The following AGAP1 variants were observed in gnomAD, a reference collection of about 807,000 sequenced individuals.
AGAP1 encodes the protein ArfGAP with GTPase domain, ankyrin repeat and PH domain 1.
In AGAP1, 29 loss-of-function variants were observed where a neutral mutation model predicts 105.3. The ratio of observed to expected loss-of-function variants is 0.28; its 90% CI spans 0.21 to 0.38. The LOEUF (loss-of-function observed/expected upper bound fraction) is 0.38. Among genes scored for constraint, AGAP1 ranks in the 10% least tolerant of loss-of-function variants. The probability of loss-of-function intolerance (pLI) is 1.00; values close to 1 mark genes in which losing one functional copy is unlikely to be tolerated. For synonymous variants in AGAP1, 509 were observed against 485.9 expected (o/e 1.05, Z -0.63); for missense variants, 998 against 1,165.1 (o/e 0.86, Z 2.09).
intron 15 of AGAP1, among the ~76,000 whole-genome samples, chr2:236,041,866 G>A (rs1467209928): frequency 1.3e-5 from 2 of 152,180 alleles, no homozygotes; most frequent in African/African-American, 4.8e-5. Context: ...ACCCATGCAG[G>A]AGCTGTCGTG....
intron 1 of AGAP1, among the ~76,000 whole-genome samples, chr2:235,675,654 C>T (rs1002238590): frequency 2.0e-5 from 3 of 152,132 alleles, no homozygotes; most frequent in African/African-American, 7.2e-5. Flanking sequence ...ATTTAGGAAA[C>T]TCCTCATTAT....
chr2:235,708,276 G>T (rs969330564), intron 1 of AGAP1, among the ~76,000 whole-genome samples: 1 of 152,158 alleles, frequency 6.6e-6, no homozygotes. Context: ...CCTCCCTCTG[G>T]TCCAGCCCAC....
chr2:235,634,176 T>C (rs1334965744), intron 1 of AGAP1, among the ~76,000 whole-genome samples: 6 of 152,234 alleles, frequency 3.9e-5, no homozygotes, highest in Non-Finnish European at 8.8e-5. Context: ...GTCTCCTGAA[T>C]TTCTTCAAGT....
chr2:235,605,067 T>C (rs1945881989), intron 1 of AGAP1, among the ~76,000 whole-genome samples: 1 of 151,030 alleles, frequency 6.6e-6, no homozygotes, highest in African/African-American at 2.4e-5. Context: ...TTAGTAGAGA[T>C]GGGTTTCACC....
At chr2:236,006,492 A>G (rs527896072) in intron 13 of AGAP1, among the ~76,000 whole-genome samples, 1 of 152,332 alleles carries the variant, frequency 6.6e-6, no homozygotes, top group African/African-American at 2.4e-5. Context: ...AAATATTTCT[A>G]TATGTAACCA....
At chr2:235,595,863 A>G (rs2149222073) in intron 1 of AGAP1, among the ~76,000 whole-genome samples, 1 of 152,368 alleles carries the variant, frequency 6.6e-6, no homozygotes, top group South Asian at 2.1e-4. Flanking sequence ...CCTTGCTAAG[A>G]ACTGTTTAAG....
intron 9 of AGAP1, among the ~76,000 whole-genome samples, chr2:235,821,212 A>G (rs13024474): frequency 6.6e-6 from 1 of 152,306 alleles, no homozygotes; most frequent in Admixed American, 6.5e-5. Flanking sequence ...ACCAGGATGT[A>G]CAGCCATTAA....
At chr2:236,116,464 A>G (rs1559291639) in intron 16 of AGAP1, among the ~76,000 whole-genome samples, 1 of 151,270 alleles carries the variant, frequency 6.6e-6, no homozygotes, top group East Asian at 2.0e-4. Context: ...ATTCTCCTGC[A>G]TCAGCCTCCT....
rs75171579 is a variant in AGAP1 at position 235,508,026 on chromosome 2, A to G, written c.163+13177A>G. Among the ~76,000 whole-genome samples the G allele has an allele frequency of 3.1e-3, 477 of 152,214 alleles. 4 individuals carry two copies. The highest frequency in any genetic ancestry group is 1.0e-2 in the South Asian group (48 of 4,818). Reference sequence around the variant, plus strand: ...GTCAATGTTGAGCTCAAGTGAGACCATGAGATATTTGGTTTTCTGTTCCTC... The same window carrying G: ...GTCAATGTTGAGCTCAAGTGAGACCGTGAGATATTTGGTTTTCTGTTCCTC... On this transcript the variant is annotated intron_variant, in intron 1 of 17. Coordinates refer to ENST00000304032, the MANE Select transcript of AGAP1 (RefSeq NM_001037131.3).
chr2:235,948,533 G>A (rs555867900), intron 12 of AGAP1, among the ~76,000 whole-genome samples: 5 of 152,172 alleles, frequency 3.3e-5, no homozygotes, highest in South Asian at 2.1e-4. Flanking sequence ...ATTTCATAAC[G>A]AGAACACAAA....
At chr2:235,579,379 A>G (rs1944850161) in intron 1 of AGAP1, among the ~76,000 whole-genome samples, 2 of 152,178 alleles carry the variant, frequency 1.3e-5, no homozygotes, top group Non-Finnish European at 2.9e-5. Context: ...GGCATGATCA[A>G]TACAGCTGTG....
chr2:235,925,515 C>CATGGCATTTCTG (rs1048945308), intron 11 of AGAP1, among the ~76,000 whole-genome samples: 1 of 152,136 alleles, frequency 6.6e-6, no homozygotes, highest in African/African-American at 2.4e-5. Flanking sequence ...TTGCAATCCT[C>CATGGCATTTCTG]ATGGCATTTC....
In AGAP1 at chr2:236,121,242, C is replaced by T. The variant is rs946301481; in HGVS notation, c.2370+795C>T. Among the ~76,000 whole-genome samples, 4 of 152,206 alleles carry T rather than the reference C, an allele frequency of 2.6e-5. No homozygotes were observed. The highest frequency in any genetic ancestry group is 7.2e-5 in the African/African-American group (3 of 41,458). ...GATGGGTCAGTCCAGCACAGCAGCA[C>T]GTTCTACAGCAGCATGGGTAGAGTG... On this transcript the variant is annotated intron_variant, in intron 17 of 17. Coordinates refer to ENST00000304032, the MANE Select transcript of AGAP1 (RefSeq NM_001037131.3). This position sits in a 1 kb window ranked among gnomAD's most constrained non-coding sequence, Gnocchi z 4.9.
chr2:236,107,999 T>C (rs2059542942), intron 16 of AGAP1, among the ~76,000 whole-genome samples: 1 of 152,262 alleles, frequency 6.6e-6, no homozygotes, highest in South Asian at 2.1e-4. Context: ...ATTTTGTCTT[T>C]GCCCCACTAG....
chr2:235,707,387 T>C (rs1950585691), intron 1 of AGAP1, among the ~76,000 whole-genome samples: 2 of 151,264 alleles, frequency 1.3e-5, no homozygotes, highest in South Asian at 4.2e-4. Context: ...TCTGACGGGA[T>C]GTCTCACTCG....
chr2:235,997,158 C>G (rs12986937), intron 13 of AGAP1, among the ~76,000 whole-genome samples: 40,953 of 152,098 alleles, frequency 0.27, 6,083 homozygotes, highest in South Asian at 0.43. Context: ...GGCGCAATCT[C>G]GGCTCACTGC....
intron 12 of AGAP1, among the ~76,000 whole-genome samples, chr2:235,946,924 TA>T (rs2053526150): frequency 6.6e-6 from 1 of 152,224 alleles, no homozygotes; most frequent in Non-Finnish European, 1.5e-5. Flanking sequence ...GACCCCAGTT[TA>T]AACGTGCCCA....
At position 235,578,558 on chromosome 2, in the gene AGAP1, G is replaced by A. The variant is rs367741379; in HGVS notation, c.163+83709G>A. The stretch of plus-strand genomic sequence containing the variant: ...AGCACTTTGGGAGGCTGAGGCAGGC[G>A]GATCACTTGAGGTCAGGAGTTTGAG... On this transcript the variant is annotated intron_variant, in intron 1 of 17. Transcript: ENST00000304032. The surrounding 1 kb of genome is among the most constrained non-coding windows in gnomAD (Gnocchi z 4.9). Among the ~76,000 whole-genome samples the A allele has an allele frequency of 1.3e-5, 2 of 152,062 alleles. No individual in the cohort carries two copies. The highest frequency in any genetic ancestry group is 2.9e-5 in the Non-Finnish European group (2 of 68,004).
At chr2:235,670,379 A>G in intron 1 of AGAP1, 2 of 549,838 alleles carry the variant, frequency 3.6e-6, no homozygotes, top group Non-Finnish European at 6.6e-6. Flanking sequence ...GGATTTCCGC[A>G]CCTTCCGCAC....
Sources: allele counts gnomAD v4.1 joint callset (sites outside exome capture counted in the v4.1 genomes callset), GRCh38; gene constraint gnomAD v4.1.1; non-coding constraint Gnocchi (gnomAD v3.1); transcripts MANE v1.5; gene names NCBI Gene and HGNC (gene_info 2026-07-23, HGNC 2026-07-21).